The following PXDNL variants were observed in gnomAD, a reference collection of about 807,000 sequenced individuals.
PXDNL encodes the protein probable oxidoreductase PXDNL.
PXDNL carries 145 observed loss-of-function variants against 150.8 expected under a neutral mutation model. The observed-to-expected ratio is 0.96, with a 90% confidence interval of 0.84 to 1.10. PXDNL has a LOEUF of 1.10. Among genes scored for constraint, PXDNL ranks in the 50% least tolerant of loss-of-function variants. The pLI, the probability that PXDNL is intolerant of heterozygous loss-of-function variation, is 0.00. For missense variants in PXDNL, 2,087 were observed against 1,873.9 expected, an observed-to-expected ratio of 1.11 and a Z score of -2.10; for synonymous variants, 757 against 725.7, an observed-to-expected ratio of 1.04 and a Z score of -0.69.
intron 3 of PXDNL, among the ~76,000 whole-genome samples, chr8:51,580,702 C>T (rs933782149): frequency 2.6e-5 from 4 of 152,104 alleles, no homozygotes; most frequent in African/African-American, 4.8e-5. Context: ...TAAAAAATTC[C>T]TTGATACCAA....
chr8:51,621,435 AGTGTGTGTGTGTCTGT>A (rs1290387920), intron 2 of PXDNL, among the ~76,000 whole-genome samples: 2 of 136,814 alleles, frequency 1.5e-5, no homozygotes, highest in African/African-American at 3.0e-5. Flanking sequence ...CAAAAGAATG[AGTGTGTGTGTGTCTGT>A]GTGTGTGTGT....
chr8:51,674,568 T>A (rs1419126520), intron 1 of PXDNL, among the ~76,000 whole-genome samples: 1 of 152,176 alleles, frequency 6.6e-6, no homozygotes, highest in Admixed American at 6.5e-5. Context: ...CACACTGAAA[T>A]GGGTTATATC....
intron 2 of PXDNL, among the ~76,000 whole-genome samples, chr8:51,636,586 T>C (rs1563490655): frequency 6.6e-6 from 1 of 152,150 alleles, no homozygotes; most frequent in Non-Finnish European, 1.5e-5. Context: ...AAAACAATTA[T>C]ACTTATCATC....
At chr8:51,696,538 G>C (rs1585680968) in intron 1 of PXDNL, among the ~76,000 whole-genome samples, 1 of 152,040 alleles carries the variant, frequency 6.6e-6, no homozygotes, top group African/African-American at 2.4e-5. Context: ...AGGATCTTCT[G>C]GGCAGAGCAG....
intron 2 of PXDNL, among the ~76,000 whole-genome samples, chr8:51,643,854 A>G (rs1356004424): frequency 6.6e-6 from 1 of 152,206 alleles, no homozygotes; most frequent in Admixed American, 6.5e-5. Flanking sequence ...CAAGAAAAAA[A>G]CAACCCCATC....
chr8:51,616,164 A>G (rs961496007), intron 2 of PXDNL, among the ~76,000 whole-genome samples: 3 of 152,232 alleles, frequency 2.0e-5, no homozygotes, highest in African/African-American at 7.2e-5. Flanking sequence ...GTCTGCACAC[A>G]TTCAGGGACC....
intron 1 of PXDNL, among the ~76,000 whole-genome samples, chr8:51,706,938 G>A (rs1816391626): frequency 1.7e-5 from 1 of 59,350 alleles, no homozygotes; most frequent in Non-Finnish European, 3.0e-5. Context: ...GGGTCTCTGG[G>A]TTTTCAGCAG....
chr8:51,454,998 ACTCGGG>A (rs1809899744), intron 9 of PXDNL, among the ~76,000 whole-genome samples: 1 of 96,220 alleles, frequency 1.0e-5, no homozygotes, highest in African/African-American at 7.2e-5. Context: ...AGTCCCAGCT[ACTCGGG>A]AGGCTGAGGC....
chr8:51,458,929 T>A (rs1346955), intron 8 of PXDNL, among the ~76,000 whole-genome samples: 36,315 of 151,950 alleles, frequency 0.24, 6,549 homozygotes, highest in African/African-American at 0.51. Context: ...CTATTGGGTA[T>A]AAAAACCCAA....
chr8:51,750,738 C>T (rs778797203), intron 1 of PXDNL, among the ~76,000 whole-genome samples: 2 of 152,180 alleles, frequency 1.3e-5, no homozygotes, highest in African/African-American at 2.4e-5. Context: ...TTCTTCAAGC[C>T]AGATATTGTT....
chr8:51,789,064 C>A (rs2037486444), intron 1 of PXDNL, among the ~76,000 whole-genome samples: 1 of 152,098 alleles, frequency 6.6e-6, no homozygotes, highest in Non-Finnish European at 1.5e-5. Flanking sequence ...ATAGTGCTAT[C>A]TGCCCATCCT....
chr8:51,654,381 C>A (rs533004407), intron 2 of PXDNL, among the ~76,000 whole-genome samples: 1 of 152,306 alleles, frequency 6.6e-6, no homozygotes, highest in African/African-American at 2.4e-5. Flanking sequence ...ATTTCTATTG[C>A]TTTCTTGCCA....
intron 17 of PXDNL, among the ~76,000 whole-genome samples, chr8:51,388,423 C>A (rs148073805): frequency 1.3e-5 from 2 of 152,134 alleles, no homozygotes; most frequent in Non-Finnish European, 2.9e-5. Context: ...GAGTTAGACA[C>A]TTAATGTAAG....
At chr8:51,744,675 CAA>C (rs34751949) in intron 1 of PXDNL, among the ~76,000 whole-genome samples, 1 of 38,858 alleles carries the variant, frequency 2.6e-5, no homozygotes, top group Non-Finnish European at 4.1e-5. Context: ...GACTCCATCT[CAA>C]AAAAAAAAAA....
chr8:51,462,948 C>A (rs1810116850), intron 8 of PXDNL, among the ~76,000 whole-genome samples: 1 of 152,098 alleles, frequency 6.6e-6, no homozygotes, highest in Non-Finnish European at 1.5e-5. Context: ...AGAAACCTTG[C>A]AAGCCAGAAG....
At chr8:51,718,989 GC>G (rs1816671164) in intron 1 of PXDNL, among the ~76,000 whole-genome samples, 1 of 151,744 alleles carries the variant, frequency 6.6e-6, no homozygotes, top group African/African-American at 2.4e-5. Flanking sequence ...TGGGAGGGAG[GC>G]GGGGGGCAGC....
intron 12 of PXDNL, among the ~76,000 whole-genome samples, chr8:51,440,551 T>A (rs959343330): frequency 5.3e-5 from 8 of 152,156 alleles, no homozygotes; most frequent in African/African-American, 1.9e-4. Flanking sequence ...CTCTCCCACA[T>A]TGCAGCTATC....
intron 17 of PXDNL, among the ~76,000 whole-genome samples, chr8:51,381,922 CT>C (rs1163899087): frequency 6.6e-6 from 1 of 151,810 alleles, no homozygotes; most frequent in Non-Finnish European, 1.5e-5. Flanking sequence ...CTGACTTTAA[CT>C]TTCATAACAA....
chr8:51,785,682 ATGTTGTGTG>A (rs1448613361), intron 1 of PXDNL, among the ~76,000 whole-genome samples: 1 of 152,144 alleles, frequency 6.6e-6, no homozygotes, highest in Non-Finnish European at 1.5e-5. Context: ...GTGTACTTAA[ATGTTGTGTG>A]TGTTCTGACT....
Sources: allele counts gnomAD v4.1 joint callset (sites outside exome capture counted in the v4.1 genomes callset), GRCh38; gene constraint gnomAD v4.1.1; transcripts MANE v1.5; gene names NCBI Gene and HGNC (gene_info 2026-07-23, HGNC 2026-07-21).